CCDC85A: variants seen among roughly 807,000 people sequenced by gnomAD.
CCDC85A encodes coiled-coil domain containing 85A, also known as coiled-coil domain-containing protein 85A.
Under a neutral mutation model 50.2 loss-of-function variants are expected in CCDC85A, and 38 were observed. The ratio of observed to expected loss-of-function variants is 0.76; its 90% CI spans 0.58 to 0.99. The LOEUF is 0.99. Among genes scored for constraint, CCDC85A ranks in the 50% least tolerant of loss-of-function variants. The probability of loss-of-function intolerance (pLI) is 0.00; values close to 1 mark genes in which losing one functional copy is unlikely to be tolerated. For synonymous variants in CCDC85A, 366 were observed against 301.4 expected, an observed-to-expected ratio of 1.21 and a Z score of -2.22; for missense variants, 820 against 742.0, an observed-to-expected ratio of 1.11 and a Z score of -1.22.
chr2:56,288,694 C>CA (rs555191250), intron 2 of CCDC85A, among the ~76,000 whole-genome samples: 219 of 149,048 alleles, frequency 1.5e-3, no homozygotes, highest in African/African-American at 5.1e-3. Context: ...CACCATGCCC[C>CA]CCCCACCCCA....
intron 5 of CCDC85A, 83 bp downstream of exon 5, chr2:56,376,018 T>C: frequency 7.1e-7 from 1 of 1,416,248 alleles, no homozygotes; most frequent in Non-Finnish European, 9.4e-7. Context: ...CCTCACAGTC[T>C]TGCTTGAACC....
chr2:56,218,192 A>G (rs981382460), intron 2 of CCDC85A, among the ~76,000 whole-genome samples: 13 of 151,962 alleles, frequency 8.6e-5, no homozygotes, highest in African/African-American at 1.4e-4. Flanking sequence ...GCAGATAAAC[A>G]GTGCTAAATA....
At chr2:56,284,979 A>G (rs538159003) in intron 2 of CCDC85A, among the ~76,000 whole-genome samples, 98 of 152,186 alleles carry the variant, frequency 6.4e-4, no homozygotes, top group African/African-American at 2.3e-3. Context: ...TTGACCCCAT[A>G]TATATGGCTT....
At chr2:56,311,453 CGTT>C (rs1408727139) in intron 2 of CCDC85A, among the ~76,000 whole-genome samples, 2 of 150,748 alleles carry the variant, frequency 1.3e-5, no homozygotes, top group Non-Finnish European at 3.0e-5. Flanking sequence ...ATCTGTTCAT[CGTT>C]GTTTTTTTTT....
At position 56,248,817 on chromosome 2, in the gene CCDC85A, C is replaced by G. The variant is rs776398229; in HGVS notation, c.1240+55377C>G. On this transcript the variant is annotated intron_variant, in intron 2 of 5. Transcript: ENST00000407595. ...CATTAGAATCCTCATGGTGAGGAAG[C>G]CTGAAGAGGGAAGGTCACTGGCCAA... is the stretch of plus-strand genomic sequence containing the variant. 1.4e-4 allele frequency among the ~76,000 whole-genome samples: 22 copies of G among 152,138 alleles called. No homozygotes were observed. In the East Asian group the frequency reaches 4.3e-3, roughly 29 times the overall value.
Position 56,243,964 on chromosome 2 carries a change from C to T in CCDC85A, c.1240+50524C>T, listed in dbSNP as rs561912228. Among the ~76,000 whole-genome samples the T allele has an allele frequency of 2.0e-5, 3 of 152,302 alleles. No individual in the cohort carries two copies. In the South Asian group the frequency reaches 6.2e-4, roughly 32 times the overall value. ...TGGATTACCAGGCAAGATCTTTGTT[C>T]TCCTGCCTTACTTTGTCTCCAACAA... On this transcript the variant is annotated intron_variant, in intron 2 of 5. Transcript: ENST00000407595.
At chr2:56,231,307 C>T (rs1668761825) in intron 2 of CCDC85A, among the ~76,000 whole-genome samples, 1 of 152,176 alleles carries the variant, frequency 6.6e-6, no homozygotes, top group Admixed American at 6.5e-5. Flanking sequence ...GGTGCTGCGG[C>T]CTTTTATAGA....
intron 2 of CCDC85A, among the ~76,000 whole-genome samples, chr2:56,220,274 C>T (rs1293949204): frequency 6.6e-6 from 1 of 152,056 alleles, no homozygotes; most frequent in East Asian, 1.9e-4. Context: ...CTCCAGTGCA[C>T]TATTATATTC....
intron 2 of CCDC85A, among the ~76,000 whole-genome samples, chr2:56,324,148 A>G (rs1167123430): frequency 6.6e-6 from 1 of 152,106 alleles, no homozygotes; most frequent in African/African-American, 2.4e-5. Flanking sequence ...TAACATGTTG[A>G]TTTAAGAAGC....
intron 5 of CCDC85A, among the ~76,000 whole-genome samples, chr2:56,378,311 G>GA (rs397966843): frequency 6.6e-6 from 1 of 151,928 alleles, no homozygotes; most frequent in African/African-American, 2.4e-5. Context: ...TGGTTTGTGG[G>GA]AAATGTAAAG....
intron 2 of CCDC85A, among the ~76,000 whole-genome samples, chr2:56,301,416 G>A (rs1017165070): frequency 3.3e-5 from 5 of 152,128 alleles, no homozygotes; most frequent in African/African-American, 1.2e-4. Context: ...GACTATTTTG[G>A]CCACTTGTTC....
chr2:56,243,317 TTTTTTTTC>T (rs1303202600), intron 2 of CCDC85A, among the ~76,000 whole-genome samples: 7 of 151,936 alleles, frequency 4.6e-5, no homozygotes, highest in South Asian at 4.2e-4. Context: ...GAGTGCTTCA[TTTTTTTTC>T]TTTTTTTCTT....
At chr2:56,301,881 A>G (rs976366749) in intron 2 of CCDC85A, among the ~76,000 whole-genome samples, 1 of 152,164 alleles carries the variant, frequency 6.6e-6, no homozygotes, top group African/African-American at 2.4e-5. Flanking sequence ...CTGGATGGCA[A>G]ACCACCATGG....
chr2:56,193,034 C>G lies in CCDC85A; in HGVS notation c.834C>G (p.Ser278Arg). 1.2e-6 allele frequency: 2 copies of G among 1,613,946 alleles called. No homozygotes were observed. Among genetic ancestry groups the G allele is most frequent in the Admixed American group, 1.7e-5 (1 of 60,024 alleles). Reference protein sequence around the residue: ...PDRPKALKGPSPEHHKPLCKG... With the variant: ...PDRPKALKGPRPEHHKPLCKG... The stretch of plus-strand genomic sequence containing the variant: ...GCCCCAAAGCACTCAAAGGACCTAG[C>G]CCGGAGCACCACAAACCCTTGTGCA... The change falls in exon 2 of 6, where the codon AGC (serine) becomes AGG (arginine). Residue 278 changes from serine to arginine, a missense_variant. Physicochemically the swap from Ser to Arg is moderately radical, Grantham distance 110. Transcript: ENST00000407595.
In CCDC85A at chr2:56,269,563, C is replaced by G. The variant is rs1418508012; in HGVS notation, c.1241-73316C>G. On this transcript the variant is annotated intron_variant, in intron 2 of 5. Coordinates refer to ENST00000407595, the MANE Select transcript of CCDC85A (RefSeq NM_001080433.2). Reference sequence around the variant, plus strand: ...TTTACAGTAAATTTGTCTTTGCTAACACGTATTGAGGATTCATCAAATTCT... The same window carrying G: ...TTTACAGTAAATTTGTCTTTGCTAAGACGTATTGAGGATTCATCAAATTCT... 2.0e-5 allele frequency among the ~76,000 whole-genome samples: 3 copies of G among 152,126 alleles called. No homozygotes were observed. The East Asian group carries it at 5.8e-4, about 29-fold the overall frequency.
intron 2 of CCDC85A, among the ~76,000 whole-genome samples, chr2:56,292,048 A>C (rs1671735578): frequency 6.6e-6 from 1 of 152,132 alleles, no homozygotes; most frequent in African/African-American, 2.4e-5. Context: ...TTATTATTGC[A>C]TCACAGGCAC....
At chr2:56,337,582 C>T (rs978096264) in intron 2 of CCDC85A, among the ~76,000 whole-genome samples, 6 of 151,064 alleles carry the variant, frequency 4.0e-5, no homozygotes, top group African/African-American at 1.5e-4. Context: ...ATCTGTGGCT[C>T]CACTCATATC....
intron 2 of CCDC85A, among the ~76,000 whole-genome samples, chr2:56,329,246 G>C (rs371966281): frequency 3.3e-5 from 5 of 152,020 alleles, no homozygotes; most frequent in Non-Finnish European, 7.4e-5. Flanking sequence ...TTGTATTTAC[G>C]TCTCAACTTG....
intron 2 of CCDC85A, among the ~76,000 whole-genome samples, chr2:56,309,106 A>G (rs1237266292): frequency 6.6e-6 from 1 of 152,228 alleles, no homozygotes; most frequent in Non-Finnish European, 1.5e-5. Flanking sequence ...GTTAAATATG[A>G]TATGGGAACA....
Sources: allele counts gnomAD v4.1 joint callset (sites outside exome capture counted in the v4.1 genomes callset), GRCh38; gene constraint gnomAD v4.1.1; transcripts MANE v1.5; gene names NCBI Gene and HGNC (gene_info 2026-07-23, HGNC 2026-07-21).